UBE3D: variants seen among roughly 807,000 people sequenced by gnomAD.
UBE3D encodes the protein ubiquitin protein ligase E3D.
Under a neutral mutation model 49.6 loss-of-function variants are expected in UBE3D, and 48 were observed. The observed-to-expected ratio is 0.97, with a 90% confidence interval of 0.77 to 1.23. UBE3D has a LOEUF of 1.23. Ranked by LOEUF, UBE3D falls within the 50% of genes most tolerant of loss-of-function variation. The pLI, the probability that UBE3D is intolerant of heterozygous loss-of-function variation, is 0.00. For missense variants in UBE3D, 452 were observed against 468.4 expected (o/e 0.96, Z 0.32); for synonymous variants, 189 against 174.2 (o/e 1.08, Z -0.67).
intron 9 of UBE3D, among the ~76,000 whole-genome samples, chr6:82,928,004 AT>A (rs911285758): frequency 6.6e-6 from 1 of 152,078 alleles, no homozygotes; most frequent in Non-Finnish European, 1.5e-5. Context: ...GTCATAAAAT[AT>A]ACAATGCCAA....
chr6:83,044,351 T>C, intron 4 of UBE3D, 77 bp downstream of exon 4: 1 of 1,411,376 alleles, frequency 7.1e-7, no homozygotes, highest in Non-Finnish European at 9.9e-7. Flanking sequence ...TAACAAGCCC[T>C]TAATTAGGAA....
chr6:82,890,989 C>T (rs891571236), downstream of UBE3D, among the ~76,000 whole-genome samples: 9 of 151,368 alleles, frequency 5.9e-5, no homozygotes. Context: ...AACATTAGAC[C>T]GATACAAACT....
chr6:82,911,208 A>AAC (rs1464880035), intron 9 of UBE3D, among the ~76,000 whole-genome samples: 1 of 150,396 alleles, frequency 6.6e-6, no homozygotes, highest in African/African-American at 2.4e-5. Context: ...AAAAAAAAAA[A>AAC]AAAAAAAAAA....
At chr6:83,056,097 C>T (rs573011936) in intron 2 of UBE3D, among the ~76,000 whole-genome samples, 1 of 152,326 alleles carries the variant, frequency 6.6e-6, no homozygotes, top group African/African-American at 2.4e-5. Flanking sequence ...CAAATCAGCA[C>T]ATAGCAGTCA....
chr6:82,885,370 A>C, the UBE3D span, among the ~76,000 whole-genome samples: 1 of 152,122 alleles, frequency 6.6e-6, no homozygotes, highest in Non-Finnish European at 1.5e-5. Flanking sequence ...TCCATAGGGG[A>C]TGACAAGGAG....
intron 5 of UBE3D, among the ~76,000 whole-genome samples, chr6:83,029,765 A>T (rs1781736488): frequency 6.6e-6 from 1 of 152,072 alleles, no homozygotes; most frequent in Non-Finnish European, 1.5e-5. Flanking sequence ...ACTGGCCTGG[A>T]CTCGAACTGT....
intron 9 of UBE3D, among the ~76,000 whole-genome samples, chr6:82,926,707 T>C (rs1181097776): frequency 6.6e-6 from 1 of 152,158 alleles, no homozygotes; most frequent in African/African-American, 2.4e-5. Context: ...TCTTTTCATA[T>C]GTTTATTTGC....
At chr6:82,956,769 G>A (rs1272555589) in intron 9 of UBE3D, among the ~76,000 whole-genome samples, 1 of 152,194 alleles carries the variant, frequency 6.6e-6, no homozygotes, top group African/African-American at 2.4e-5. Context: ...ACAGCTGTGA[G>A]TTCTGCCACA....
Position 82,998,277 on chromosome 6 carries a change from A to G in UBE3D, c.1010+20696T>C, listed in dbSNP as rs1779386446. On this transcript the variant is annotated intron_variant, in intron 8 of 9. Transcript: ENST00000369747. Reference sequence around the variant, plus strand: ...CATCTGGATAAAAAGTCCCCAAGTGATAATGAAAGAAACTGACTTCTTCCC... The same window carrying G: ...CATCTGGATAAAAAGTCCCCAAGTGGTAATGAAAGAAACTGACTTCTTCCC... Among the ~76,000 whole-genome samples the G allele has an allele frequency of 2.0e-5, 3 of 152,370 alleles. No individual in the cohort carries two copies. The South Asian group carries it at 6.2e-4, about 32-fold the overall frequency.
intron 5 of UBE3D, among the ~76,000 whole-genome samples, chr6:83,033,337 GATT>G (rs1373224325): frequency 6.6e-6 from 1 of 152,112 alleles, no homozygotes; most frequent in Non-Finnish European, 1.5e-5. Flanking sequence ...GTAAATTGGG[GATT>G]ATATTTTATT....
At chr6:83,033,695 C>T (rs889775801) in intron 5 of UBE3D, among the ~76,000 whole-genome samples, 3 of 152,172 alleles carry the variant, frequency 2.0e-5, no homozygotes, top group Non-Finnish European at 4.4e-5. Flanking sequence ...CTCCCCCAAA[C>T]CAGAAGCTGC....
intron 9 of UBE3D, among the ~76,000 whole-genome samples, chr6:82,920,206 T>C (rs1383479846): frequency 1.3e-5 from 2 of 152,196 alleles, no homozygotes; most frequent in African/African-American, 4.8e-5. Flanking sequence ...TGTTTAGTAA[T>C]GAATCTTTAA....
At chr6:82,941,214 A>T (rs1774987678) in intron 9 of UBE3D, among the ~76,000 whole-genome samples, 1 of 152,194 alleles carries the variant, frequency 6.6e-6, no homozygotes, top group African/African-American at 2.4e-5. Context: ...CAAAAAAATA[A>T]AAAACAATTA....
chr6:82,995,864 GGA>G (rs1779205590), intron 8 of UBE3D, among the ~76,000 whole-genome samples: 1 of 151,876 alleles, frequency 6.6e-6, no homozygotes, highest in Non-Finnish European at 1.5e-5. Context: ...GTCAGGACTT[GGA>G]GACCAGCCTG....
chr6:83,026,500 GAA>G (rs1445419209), intron 5 of UBE3D, among the ~76,000 whole-genome samples: 1 of 151,624 alleles, frequency 6.6e-6, no homozygotes, highest in African/African-American at 2.4e-5. Flanking sequence ...GTTATTTTTT[GAA>G]AAAGTGTGTA....
intron 4 of UBE3D, among the ~76,000 whole-genome samples, chr6:83,040,940 A>T (rs974171017): frequency 6.6e-6 from 1 of 152,198 alleles, no homozygotes; most frequent in Admixed American, 6.5e-5. Context: ...GAGGAAGAGA[A>T]CTCAGAAAGC....
At chr6:83,060,519 A>G (rs1784108100) in intron 1 of UBE3D, among the ~76,000 whole-genome samples, 1 of 152,218 alleles carries the variant, frequency 6.6e-6, no homozygotes, top group African/African-American at 2.4e-5. Flanking sequence ...TAGACATCAT[A>G]TATAAGTCAT....
the UBE3D span, among the ~76,000 whole-genome samples, chr6:82,881,346 G>A: frequency 6.6e-6 from 1 of 152,140 alleles, no homozygotes; most frequent in Admixed American, 6.6e-5. Flanking sequence ...GGAATATGAG[G>A]GTGGGAAGCA....
chr6:82,919,679 C>T (rs1002766548), intron 9 of UBE3D, among the ~76,000 whole-genome samples: 55 of 151,844 alleles, frequency 3.6e-4, no homozygotes, highest in Non-Finnish European at 7.5e-4. Context: ...AATAAGAATG[C>T]CAGTGGAGAC....
Sources: allele counts gnomAD v4.1 joint callset (sites outside exome capture counted in the v4.1 genomes callset), GRCh38; gene constraint gnomAD v4.1.1; transcripts MANE v1.5; gene names NCBI Gene and HGNC (gene_info 2026-07-23, HGNC 2026-07-21).